The following VWA5A variants were observed in gnomAD, a reference collection of about 807,000 sequenced individuals.
VWA5A encodes von Willebrand factor A domain containing 5A.
In VWA5A, 77 loss-of-function variants were observed where a neutral mutation model predicts 84.6. The ratio of observed to expected loss-of-function variants is 0.91; its 90% confidence interval spans 0.76 to 1.10. The LOEUF (loss-of-function observed/expected upper bound fraction) is 1.10, where lower values mean the gene tolerates loss of function less well. Among genes scored for constraint, VWA5A ranks in the 50% least tolerant of loss-of-function variants. The pLI, the probability that VWA5A is intolerant of heterozygous loss-of-function variation, is 0.00. For synonymous variants in VWA5A, 334 were observed against 350.1 expected (o/e 0.95, Z 0.51); for missense variants, 973 against 963.0 (o/e 1.01, Z -0.14).
intron 11 of VWA5A, 53 bp downstream of exon 11, chr11:124,124,369 ACT>A: frequency 6.3e-7 from 1 of 1,594,038 alleles, no homozygotes. Context: ...TGACACACAG[ACT>A]CTAGTGCTAC....
chr11:124,145,220 CTCTA>C lies in VWA5A; in HGVS notation c.2155-12_2155-9del. On this transcript the variant is annotated splice_polypyrimidine_tract_variant and intron_variant, in intron 17 of 18. Coordinates refer to ENST00000456829, the MANE Select transcript of VWA5A (RefSeq NM_001130142.2). ...GGGACTTCCTGTGCCAACTGGAGCT[CTCTA>C]TCTACTGTGCAGCTTGTGGATTCCT... 1 of 1,605,014 alleles carries C rather than the reference CTCTA, an allele frequency of 6.2e-7. No individual in the cohort carries two copies. The highest frequency in any genetic ancestry group is 8.5e-7 in the Non-Finnish European group (1 of 1,175,726).
At chr11:124,140,349 A>C (rs2137663372) in intron 15 of VWA5A, among the ~76,000 whole-genome samples, 1 of 152,354 alleles carries the variant, frequency 6.6e-6, no homozygotes, top group South Asian at 2.1e-4. Flanking sequence ...ATATAGGAAA[A>C]AAAGTAGAGA....
At position 124,143,678 on chromosome 11, in the gene VWA5A, T is replaced by C. The variant is rs911790273; in HGVS notation, c.2154+1106T>C. ...CCTCTTTTACTTTTTAAAATTTGGCTACCAGAAAATTTAAAATTACATATG... is the reference window on the plus strand; with the variant it reads ...CCTCTTTTACTTTTTAAAATTTGGCCACCAGAAAATTTAAAATTACATATG... On this transcript the variant is annotated intron_variant, in intron 17 of 18. Coordinates refer to ENST00000456829, the MANE Select transcript of VWA5A (RefSeq NM_001130142.2). Among the ~76,000 whole-genome samples the C allele has an allele frequency of 9.2e-5, 14 of 152,308 alleles. 1 individual carries two copies. In the South Asian group the frequency reaches 2.9e-3, roughly 32 times the overall value.
At chr11:124,137,587 A>G (rs946416285) in intron 15 of VWA5A, among the ~76,000 whole-genome samples, 1 of 152,248 alleles carries the variant, frequency 6.6e-6, no homozygotes, top group African/African-American at 2.4e-5. Flanking sequence ...TAATTCAAAT[A>G]TCATACAATT....
rs529073567 is a variant in VWA5A at position 124,147,233 on chromosome 11, A to T, written c.*1288A>T. The T allele has an allele frequency of 6.6e-6, 1 of 152,412 alleles. No individual in the cohort carries two copies. Among genetic ancestry groups the T allele is most frequent in the African/African-American group, 2.4e-5 (1 of 41,580 alleles). 9.4% of individuals were successfully genotyped at this position (152,412 alleles called of 1,614,324 possible). On this transcript the variant is annotated 3_prime_UTR_variant, in exon 19 of 19. Coordinates refer to ENST00000456829, the MANE Select transcript of VWA5A (RefSeq NM_001130142.2). ...TTCTTTTATATGAAGCAAGTAAAGGATACTAATAAGAATACCACTGTAGAA... is the reference window on the plus strand; with the variant it reads ...TTCTTTTATATGAAGCAAGTAAAGGTTACTAATAAGAATACCACTGTAGAA...
intron 15 of VWA5A, among the ~76,000 whole-genome samples, chr11:124,137,782 A>C (rs1332634658): frequency 6.6e-6 from 1 of 152,154 alleles, no homozygotes. Context: ...CCTCTCCACC[A>C]GTCCCAGTAA....
intron 13 of VWA5A, 78 bp from the exon 14 acceptor site, chr11:124,136,496 C>T (rs1236903626): frequency 2.0e-6 from 3 of 1,482,262 alleles, no homozygotes; most frequent in African/African-American, 2.8e-5. Context: ...GTTTTGGGTA[C>T]CTGCCCCTGT....
chr11:124,116,873 C>G (rs1864839322), intron 2 of VWA5A, among the ~76,000 whole-genome samples, 193 bp downstream of exon 2: 1 of 152,108 alleles, frequency 6.6e-6, no homozygotes, highest in South Asian at 2.1e-4. Flanking sequence ...AATTTTGGGT[C>G]CCAAAAGAAA....
intron 11 of VWA5A, among the ~76,000 whole-genome samples, chr11:124,127,634 A>C (rs1865038417): frequency 6.6e-6 from 1 of 152,228 alleles, no homozygotes; most frequent in Admixed American, 6.5e-5. Context: ...TCCCACAAAC[A>C]GTGTAAAAGG....
intron 7 of VWA5A, among the ~76,000 whole-genome samples, chr11:124,120,670 C>CAAGAG (rs1864917766): frequency 6.6e-6 from 1 of 152,186 alleles, no homozygotes; most frequent in Non-Finnish European, 1.5e-5. Flanking sequence ...TTGCTGTAAC[C>CAAGAG]ATCTCCTCTT....
chr11:124,142,760 G>A (rs1462195769), intron 17 of VWA5A, among the ~76,000 whole-genome samples, 188 bp downstream of exon 17: 1 of 152,194 alleles, frequency 6.6e-6, no homozygotes, highest in Non-Finnish European at 1.5e-5. Context: ...GATTAATGGG[G>A]AAGCTAGTAG....
rs1267763904 is a variant in VWA5A at position 124,136,178 on chromosome 11, C to G, written c.1409C>G (p.Ser470Cys). Residue 470 changes from serine to cysteine, a missense_variant, in exon 13 of 19, where the codon TCT becomes TGT. Physicochemically the swap from Ser to Cys is moderately radical, Grantham distance 112. Transcript: ENST00000456829. ...RSLQPVVEDV[S>C]LSWHLPPGLS... is the part of the protein sequence containing the mutation. ...CTGCAGCCTGTGGTAGAGGATGTCT[C>G]TCTGAGCTGGCATTTGCCTCCTGGT... is the stretch of plus-strand genomic sequence containing the variant. 1 of 1,614,226 alleles carries G rather than the reference C, an allele frequency of 6.2e-7. No individual in the cohort carries two copies. The highest frequency in any genetic ancestry group is 8.5e-7 in the Non-Finnish European group (1 of 1,180,050).
intron 8 of VWA5A, 50 bp from the exon 9 acceptor site, chr11:124,123,316 G>A (rs751444559): frequency 1.3e-6 from 2 of 1,575,432 alleles, no homozygotes; most frequent in Non-Finnish European, 1.7e-6. Flanking sequence ...GGGCCCATGT[G>A]TTTTGGCGAG....
rs1035493402 is a variant in VWA5A, at chr11:124,120,061, T to G, written c.760+972T>G. On this transcript the variant is annotated intron_variant, in intron 7 of 18. Transcript: ENST00000456829. Reference sequence around the variant, plus strand: ...ATTGACCATTTTAACTGTTTTTAAGTGTACAGTTCTGTGGTCTTCAGGACA... The same window carrying G: ...ATTGACCATTTTAACTGTTTTTAAGGGTACAGTTCTGTGGTCTTCAGGACA... Among the ~76,000 whole-genome samples, 4 of 152,222 alleles carry G rather than the reference T, an allele frequency of 2.6e-5. No individual in the cohort carries two copies. In the East Asian group the frequency reaches 7.7e-4, roughly 29 times the overall value.
intron 7 of VWA5A, among the ~76,000 whole-genome samples, chr11:124,120,714 G>A (rs1398974422): frequency 6.6e-6 from 1 of 152,118 alleles, no homozygotes; most frequent in Non-Finnish European, 1.5e-5. Context: ...TTGTACGTTA[G>A]TTATCTGCTT....
intron 11 of VWA5A, among the ~76,000 whole-genome samples, chr11:124,131,468 C>G (rs974236213): frequency 6.6e-6 from 1 of 151,978 alleles, no homozygotes; most frequent in East Asian, 1.9e-4. Context: ...ATAAGGGAAG[C>G]CTTCTGTACA....
At chr11:124,124,030 T>C (rs984079030) in intron 10 of VWA5A, among the ~76,000 whole-genome samples, 31 of 152,168 alleles carry the variant, frequency 2.0e-4, no homozygotes, top group African/African-American at 7.5e-4. Flanking sequence ...GAGATGCAGC[T>C]AGGAGGGGAG....
In VWA5A at chr11:124,134,945, G is replaced by A. The variant is rs770160774; in HGVS notation, c.1270G>A (p.Gly424Ser). The A allele has an allele frequency of 6.2e-7, 1 of 1,613,244 alleles. No individual in the cohort carries two copies. The highest frequency in any genetic ancestry group is 2.2e-5 in the East Asian group (1 of 44,838). The change falls in exon 12 of 19, where the codon GGC (glycine) becomes AGC (serine). Residue 424 changes from glycine to serine, a missense_variant. Physicochemically the swap from Gly to Ser is moderately conservative, Grantham distance 56. Coordinates refer to ENST00000456829, the MANE Select transcript of VWA5A (RefSeq NM_001130142.2). The part of the protein sequence containing the change: ...HRCFSFGIGE[G>S]TSTSLIKGIA... ...GTGTTTCTCATTTGGTATTGGAGAA[G>A]GCACCTCCACCAGCCTAATAAAAGG...
chr11:124,138,971 C>A (rs1555038942), intron 15 of VWA5A, among the ~76,000 whole-genome samples: 5 of 152,162 alleles, frequency 3.3e-5, no homozygotes, highest in Non-Finnish European at 1.5e-5. Flanking sequence ...AGATAAGGGT[C>A]TAATGTTATT....
Sources: gnomAD v4.1 joint callset for allele counts (sites outside exome capture counted in the v4.1 genomes callset) on GRCh38, gnomAD v4.1.1 for gene constraint, MANE v1.5 for transcripts, NCBI Gene and HGNC (gene_info 2026-07-23, HGNC 2026-07-21) for gene names.